Variants in IPO11 observed in about 807,000 individuals in gnomAD.
IPO11 encodes the protein importin 11.
IPO11 carries 66 observed loss-of-function variants against 143.2 expected under a neutral mutation model. The observed-to-expected ratio is 0.46, with a 90% CI of 0.38 to 0.57. The LOEUF is 0.57. IPO11 is among the 20% of genes least tolerant of loss of function. The pLI, the probability that IPO11 is intolerant of heterozygous loss-of-function variation, is 0.00. For missense variants in IPO11, 1,026 were observed against 1,141.0 expected (o/e 0.90, Z 1.45); for synonymous variants, 385 against 377.8 (o/e 1.02, Z -0.22).
intron 3 of IPO11, among the ~76,000 whole-genome samples, chr5:62,448,808 C>G (rs924778071): frequency 6.6e-6 from 1 of 152,194 alleles, no homozygotes; most frequent in East Asian, 1.9e-4. Context: ...GTCCTTCTAT[C>G]TCAGCCTCCC....
intron 24 of IPO11, among the ~76,000 whole-genome samples, chr5:62,539,357 G>A (rs186217543): frequency 2.0e-5 from 3 of 152,234 alleles, no homozygotes; most frequent in Non-Finnish European, 2.9e-5. Flanking sequence ...TGTTCTCCTG[G>A]TATCTGTCTG....
Position 62,435,196 on chromosome 5 carries a change from A to ATATGTATATG in IPO11, c.-6-2069_-6-2068insGTATGTATAT, listed in dbSNP as rs1744168438. On this transcript the variant is annotated intron_variant, in intron 1 of 29. Transcript: ENST00000325324. The stretch of plus-strand genomic sequence containing the variant: ...TGTATATATGTATATATATGTATAT[A>ATATGTATATG]TATGTATATATATGTGTATATATAT... Among the ~76,000 whole-genome samples, 9 of 107,666 alleles carry ATATGTATATG rather than the reference A, an allele frequency of 8.4e-5. 2 individuals are homozygous for ATATGTATATG. Among genetic ancestry groups the ATATGTATATG allele is most frequent in the African/African-American group, 3.3e-4 (9 of 27,678 alleles). 70.6% of individuals were successfully genotyped at this position (107,666 alleles called of 152,430 possible).
At chr5:62,454,183 T>C (rs1745042070) in intron 5 of IPO11, among the ~76,000 whole-genome samples, 1 of 152,170 alleles carries the variant, frequency 6.6e-6, no homozygotes, top group East Asian at 1.9e-4. Context: ...CATCCTAGGA[T>C]ATTGTATGTA....
chr5:62,519,666 A>T (rs1247370507), intron 20 of IPO11, among the ~76,000 whole-genome samples: 1 of 152,246 alleles, frequency 6.6e-6, no homozygotes, highest in Non-Finnish European at 1.5e-5. Flanking sequence ...GTATACTGAG[A>T]AAGTACCATA....
At chr5:62,513,223 C>G (rs1222139884) in intron 19 of IPO11, among the ~76,000 whole-genome samples, 1 of 151,956 alleles carries the variant, frequency 6.6e-6, no homozygotes, top group African/African-American at 2.4e-5. Context: ...GCTGACCCCC[C>G]CATCTCCCTC....
At chr5:62,541,756 A>G (rs1226638688) in intron 24 of IPO11, among the ~76,000 whole-genome samples, 1 of 152,156 alleles carries the variant, frequency 6.6e-6, no homozygotes, top group Non-Finnish European at 1.5e-5. Context: ...ATCTTTTTAA[A>G]CATTTTTATT....
chr5:62,622,526 G>C (rs1255803529), intron 29 of IPO11, among the ~76,000 whole-genome samples: 2 of 152,140 alleles, frequency 1.3e-5, no homozygotes, highest in Non-Finnish European at 2.9e-5. Context: ...CCATTTAATT[G>C]CTCTGAAGAT....
intron 1 of IPO11, among the ~76,000 whole-genome samples, chr5:62,425,404 G>A (rs527694083): frequency 6.6e-6 from 1 of 152,118 alleles, no homozygotes; most frequent in African/African-American, 2.4e-5. Flanking sequence ...TGCAACCTCC[G>A]CCTCCTGGGT....
At chr5:62,438,729 G>A (rs553803707) in intron 2 of IPO11, among the ~76,000 whole-genome samples, 1 of 148,856 alleles carries the variant, frequency 6.7e-6, no homozygotes, top group Non-Finnish European at 1.5e-5. Flanking sequence ...TCCAGTCTGG[G>A]CAACAAGAAC....
chr5:62,511,076 T>G (rs1288147667), intron 19 of IPO11, among the ~76,000 whole-genome samples: 1 of 152,224 alleles, frequency 6.6e-6, no homozygotes, highest in Non-Finnish European at 1.5e-5. Flanking sequence ...AGCATTAATT[T>G]TAATTTAGAA....
rs184337194 is a variant in IPO11, at chr5:62,447,967, G to A, written c.240-1960G>A. 9.9e-5 allele frequency among the ~76,000 whole-genome samples: 15 copies of A among 152,100 alleles called. No individual in the cohort carries two copies. In the East Asian group the frequency reaches 2.5e-3, roughly 25 times the overall value. On this transcript the variant is annotated intron_variant, in intron 3 of 29. Coordinates refer to ENST00000325324, the MANE Select transcript of IPO11 (RefSeq NM_016338.5). The stretch of plus-strand genomic sequence containing the variant: ...TGGCCTCAAGTGATCTTCCTGCCTC[G>A]GCCTCCCAGAGTGCAGGGATTACAG...
At chr5:62,616,783 C>A (rs997392631) in intron 29 of IPO11, among the ~76,000 whole-genome samples, 3 of 150,764 alleles carry the variant, frequency 2.0e-5, no homozygotes, top group African/African-American at 7.4e-5. Context: ...AAAAATTAGC[C>A]TCATAGCCAA....
At chr5:62,476,884 A>G (rs1745978298) in intron 9 of IPO11, 131 bp downstream of exon 9, 3 of 1,012,360 alleles carry the variant, frequency 3.0e-6, no homozygotes, top group South Asian at 5.3e-5. Flanking sequence ...CCTTATAGGA[A>G]AGCTAAAAAT....
At chr5:62,500,319 A>C (rs1741306405) in intron 16 of IPO11, among the ~76,000 whole-genome samples, 1 of 152,152 alleles carries the variant, frequency 6.6e-6, no homozygotes, top group Non-Finnish European at 1.5e-5. Context: ...TTCTCCTGTC[A>C]TACCTACTGA....
At chr5:62,461,703 T>TA (rs1745363858) in intron 5 of IPO11, among the ~76,000 whole-genome samples, 1 of 152,254 alleles carries the variant, frequency 6.6e-6, no homozygotes, top group Non-Finnish European at 1.5e-5. Context: ...AAATGCTATA[T>TA]GCCTTCATTT....
At chr5:62,541,516 CA>C (rs67002596) in intron 24 of IPO11, among the ~76,000 whole-genome samples, 104,880 of 151,562 alleles carry the variant, frequency 0.69, 36,676 homozygotes, top group African/African-American at 0.78. Context: ...CCCGTCTTTA[CA>C]AAAAAATACA....
chr5:62,487,360 C>T (rs1746446132), intron 12 of IPO11, among the ~76,000 whole-genome samples: 1 of 151,956 alleles, frequency 6.6e-6, no homozygotes, highest in Non-Finnish European at 1.5e-5. Flanking sequence ...CACACCACTG[C>T]ACTCCAGCCT....
chr5:62,419,220 CT>C, intron 1 of IPO11: 2 of 1,330,690 alleles, frequency 1.5e-6, no homozygotes, highest in Non-Finnish European at 9.9e-7. Flanking sequence ...GTACAGGGCA[CT>C]TACCTCGAAT....
chr5:62,492,744 G>T (rs143671823), intron 15 of IPO11, among the ~76,000 whole-genome samples: 178 of 151,976 alleles, frequency 1.2e-3, no homozygotes, highest in African/African-American at 4.2e-3. Context: ...TATCATATTG[G>T]CCAGGCTGGT....
Sources: allele counts gnomAD v4.1 joint callset (sites outside exome capture counted in the v4.1 genomes callset), GRCh38; gene constraint gnomAD v4.1.1; transcripts MANE v1.5; gene names NCBI Gene and HGNC (gene_info 2026-07-23, HGNC 2026-07-21).